Variants in CTNNA3 observed in about 807,000 individuals in gnomAD.
CTNNA3 encodes the protein catenin alpha-3.
A neutral mutation model predicts 95.7 loss-of-function variants in CTNNA3; 76 were observed. The observed-to-expected ratio is 0.79, with a 90% CI of 0.66 to 0.96. CTNNA3 has a LOEUF of 0.96. Ranked by LOEUF, CTNNA3 falls within the 40% of genes least tolerant of loss-of-function variation. The pLI, the probability that CTNNA3 is intolerant of heterozygous loss-of-function variation, is 0.00. For synonymous variants in CTNNA3, 431 were observed against 374.4 expected (o/e 1.15, Z -1.74); for missense variants, 1,191 against 1,089.8 (o/e 1.09, Z -1.31).
chr10:67,489,785 A>G (rs1007423735), intron 5 of CTNNA3, among the ~76,000 whole-genome samples: 2 of 140,336 alleles, frequency 1.4e-5, no homozygotes, highest in East Asian at 4.7e-4. Context: ...ATAATACATG[A>G]TTTTATATAT....
chr10:66,677,881 G>T (rs1013642508), intron 9 of CTNNA3, among the ~76,000 whole-genome samples: 3 of 149,302 alleles, frequency 2.0e-5, no homozygotes, highest in African/African-American at 7.5e-5. Flanking sequence ...GTAATGGACT[G>T]ACCAGAACTG....
chr10:66,893,855 G>C (rs1328399310), intron 7 of CTNNA3, among the ~76,000 whole-genome samples: 3 of 152,146 alleles, frequency 2.0e-5, no homozygotes, highest in African/African-American at 4.8e-5. Flanking sequence ...CCTTCTGCCA[G>C]AGGTCAGCAG....
At chr10:67,389,545 T>A (rs971928217) in intron 5 of CTNNA3, among the ~76,000 whole-genome samples, 13 of 151,888 alleles carry the variant, frequency 8.6e-5, no homozygotes, top group African/African-American at 2.7e-4. Context: ...AACTCAGCTC[T>A]GCACCAAGCG....
chr10:67,502,988 G>A (rs572232714), intron 5 of CTNNA3, among the ~76,000 whole-genome samples: 17 of 152,274 alleles, frequency 1.1e-4, no homozygotes, highest in African/African-American at 4.1e-4. Context: ...GTTCTGACTC[G>A]CTGGCATTCC....
At chr10:66,040,477 A>T (rs1376433105) in intron 15 of CTNNA3, among the ~76,000 whole-genome samples, 1 of 151,952 alleles carries the variant, frequency 6.6e-6, no homozygotes, top group Admixed American at 6.6e-5. Context: ...GAATCAACCT[A>T]AATGCCCATC....
intron 7 of CTNNA3, among the ~76,000 whole-genome samples, chr10:66,834,237 T>G (rs537205290): frequency 6.6e-6 from 1 of 152,208 alleles, no homozygotes; most frequent in Admixed American, 6.5e-5. Context: ...GATAATCAGA[T>G]GCTGTTTTGA....
At chr10:67,092,657 T>C (rs2131915098) in intron 7 of CTNNA3, among the ~76,000 whole-genome samples, 1 of 152,060 alleles carries the variant, frequency 6.6e-6, no homozygotes, top group East Asian at 1.9e-4. Flanking sequence ...TTCTTATCCT[T>C]TATAATCACA....
intron 15 of CTNNA3, among the ~76,000 whole-genome samples, chr10:65,989,393 A>C (rs1465106143): frequency 4.6e-5 from 7 of 152,208 alleles, no homozygotes; most frequent in African/African-American, 1.7e-4. Context: ...TGTTTATTAT[A>C]GTAAAACTCA....
At chr10:67,629,112 G>A (rs527488932) in intron 2 of CTNNA3, among the ~76,000 whole-genome samples, 1 of 151,732 alleles carries the variant, frequency 6.6e-6, no homozygotes, top group Non-Finnish European at 1.5e-5. Context: ...GATTATTTAT[G>A]ATTTTTTATT....
At chr10:66,298,749 G>A (rs183362574) in intron 12 of CTNNA3, among the ~76,000 whole-genome samples, 12 of 152,114 alleles carry the variant, frequency 7.9e-5, no homozygotes, top group African/African-American at 2.7e-4. Flanking sequence ...GTCTTTCCTC[G>A]GATTTTGAAT....
intron 3 of CTNNA3, among the ~76,000 whole-genome samples, chr10:67,599,585 C>A (rs1843019760): frequency 6.6e-6 from 1 of 151,972 alleles, no homozygotes; most frequent in South Asian, 2.1e-4. Flanking sequence ...AAAAAAAGTT[C>A]ACTGGATGGA....
intron 5 of CTNNA3, among the ~76,000 whole-genome samples, chr10:67,368,368 T>G (rs1222140168): frequency 6.6e-6 from 1 of 152,190 alleles, no homozygotes; most frequent in Non-Finnish European, 1.5e-5. Flanking sequence ...AAAAGACTAT[T>G]GGCAAGGATG....
chr10:66,237,697 C>CCAAT lies in CTNNA3; in HGVS notation c.1884+42769_1884+42772dup, dbSNP rs567081204. On this transcript the variant is annotated intron_variant, in intron 13 of 17. Coordinates refer to ENST00000433211, the MANE Select transcript of CTNNA3 (RefSeq NM_013266.4). ...AACCATAAAAATGGCAGCAAATAAACCAATCATTTAAAAGTGTCTTATAAC... is the reference window on the plus strand; with the variant it reads ...AACCATAAAAATGGCAGCAAATAAACCAATCAATCATTTAAAAGTGTCTTATAAC... Among the ~76,000 whole-genome samples, 377 of 151,996 alleles carry CCAAT rather than the reference C, an allele frequency of 2.5e-3. 8 individuals carry two copies. Among genetic ancestry groups the CCAAT allele is most frequent in the Admixed American group, 0.023 (353 of 15,240 alleles).
At chr10:67,121,295 A>C (rs1452702962) in intron 7 of CTNNA3, among the ~76,000 whole-genome samples, 1 of 151,468 alleles carries the variant, frequency 6.6e-6, no homozygotes, top group Non-Finnish European at 1.5e-5. Context: ...CAGCTTTGTA[A>C]GAAGTTTATG....
chr10:67,072,625 C>G (rs1345304646), intron 7 of CTNNA3, among the ~76,000 whole-genome samples: 1 of 152,090 alleles, frequency 6.6e-6, no homozygotes, highest in Non-Finnish European at 1.5e-5. Context: ...GTAGTCTTCC[C>G]CTTGTTTATC....
intron 9 of CTNNA3, among the ~76,000 whole-genome samples, chr10:66,651,795 G>A (rs527810830): frequency 0.019 from 595 of 30,536 alleles, 6 homozygotes; most frequent in African/African-American, 0.1. Flanking sequence ...CCCAGAACCC[G>A]CATTGGCCGG....
intron 12 of CTNNA3, among the ~76,000 whole-genome samples, chr10:66,281,335 G>T (rs983194384): frequency 1.3e-5 from 2 of 151,778 alleles, no homozygotes; most frequent in Non-Finnish European, 2.9e-5. Context: ...TACTTTTAAG[G>T]TTAATGATAT....
intron 13 of CTNNA3, among the ~76,000 whole-genome samples, chr10:66,252,678 G>A (rs2090606938): frequency 6.6e-6 from 1 of 152,084 alleles, no homozygotes; most frequent in African/African-American, 2.4e-5. Flanking sequence ...AACCAAGAAC[G>A]AATAAAAATT....
At chr10:67,454,598 T>G (rs1470362252) in intron 5 of CTNNA3, among the ~76,000 whole-genome samples, 5 of 152,144 alleles carry the variant, frequency 3.3e-5, no homozygotes, top group African/African-American at 1.2e-4. Context: ...CATTCCAATC[T>G]CACTTTGTTC....
Sources: gnomAD v4.1 joint callset for allele counts (sites outside exome capture counted in the v4.1 genomes callset) on GRCh38, gnomAD v4.1.1 for gene constraint, MANE v1.5 for transcripts, NCBI Gene and HGNC (gene_info 2026-07-23, HGNC 2026-07-21) for gene names.